TXLNB: variants seen among roughly 807,000 people sequenced by gnomAD.
TXLNB encodes taxilin beta.
TXLNB carries 37 observed loss-of-function variants against 57.4 expected under a neutral mutation model. The observed-to-expected ratio is 0.64, with a 90% confidence interval of 0.50 to 0.85. The LOEUF is 0.85. Among genes scored for constraint, TXLNB ranks in the 40% least tolerant of loss-of-function variants. The pLI, the probability that TXLNB is intolerant of heterozygous loss-of-function variation, is 0.00. For synonymous variants in TXLNB, 302 were observed against 309.6 expected (o/e 0.98, Z 0.26); for missense variants, 848 against 825.6 (o/e 1.03, Z -0.33).
chr6:139,184,046 G>A, the TXLNB span, among the ~76,000 whole-genome samples: 4 of 152,208 alleles, frequency 2.6e-5, no homozygotes, highest in Non-Finnish European at 5.9e-5. Context: ...GCTGCACATT[G>A]TTGTGGAGTC....
At chr6:139,173,068 A>G in the TXLNB span, among the ~76,000 whole-genome samples, 3 of 152,084 alleles carry the variant, frequency 2.0e-5, no homozygotes, top group Non-Finnish European at 2.9e-5. Flanking sequence ...TGCAAATGAA[A>G]TTTTTTCCAG....
the TXLNB span, chr6:139,180,805 T>C: frequency 2.6e-5 from 4 of 152,764 alleles, no homozygotes; most frequent in East Asian, 7.7e-4. Context: ...GAAACTAACA[T>C]TGTACTCTGT....
the TXLNB span, among the ~76,000 whole-genome samples, chr6:139,184,391 C>G: frequency 3.9e-5 from 6 of 152,240 alleles, no homozygotes; most frequent in African/African-American, 1.4e-4. Flanking sequence ...TGAGGCCTAG[C>G]TGGGCCCTCT....
the TXLNB span, among the ~76,000 whole-genome samples, chr6:139,184,331 A>AT: frequency 1.3e-5 from 2 of 152,244 alleles, no homozygotes; most frequent in Non-Finnish European, 2.9e-5. Flanking sequence ...TTTAAAAGCT[A>AT]TAGTAGCCCT....
intron 3 of TXLNB, among the ~76,000 whole-genome samples, chr6:139,272,611 A>G (rs992030544): frequency 1.3e-5 from 2 of 152,256 alleles, no homozygotes; most frequent in Non-Finnish European, 2.9e-5. Flanking sequence ...CTGTTATTAA[A>G]TATTTCTCAT....
At chr6:139,244,922 G>C (rs1027577910) in intron 8 of TXLNB, among the ~76,000 whole-genome samples, 1 of 152,202 alleles carries the variant, frequency 6.6e-6, no homozygotes, top group African/African-American at 2.4e-5. Flanking sequence ...AATGGGAAAT[G>C]ACTTAGGGGC....
intron 6 of TXLNB, among the ~76,000 whole-genome samples, chr6:139,257,873 G>A (rs1385560805): frequency 6.6e-6 from 1 of 152,036 alleles, no homozygotes; most frequent in Non-Finnish European, 1.5e-5. Context: ...TGTAAAATGG[G>A]TTGCATTTGT....
At chr6:139,205,376 C>T in the TXLNB span, among the ~76,000 whole-genome samples, 52 of 152,264 alleles carry the variant, frequency 3.4e-4, 1 homozygote, top group African/African-American at 1.2e-3. Context: ...ATCCACCCGC[C>T]TCAGCCTCCC....
intron 2 of TXLNB, among the ~76,000 whole-genome samples, chr6:139,281,318 T>C (rs1290171051): frequency 2.6e-5 from 4 of 152,220 alleles, no homozygotes; most frequent in South Asian, 2.1e-4. Flanking sequence ...ACAAAGGTTC[T>C]CTTACTCCTC....
At chr6:139,244,716 T>A (rs1776031517) in intron 8 of TXLNB, 26 bp from the exon 9 acceptor site, 1 of 1,538,300 alleles carries the variant, frequency 6.5e-7, no homozygotes, top group Non-Finnish European at 9.0e-7. Context: ...TGAGTGTGTG[T>A]TAATCTTGAA....
At chr6:139,274,907 T>C (rs920716875) in intron 3 of TXLNB, among the ~76,000 whole-genome samples, 3 of 152,156 alleles carry the variant, frequency 2.0e-5, no homozygotes, top group South Asian at 4.1e-4. Context: ...GAGAATCGCA[T>C]GGAAACGTGA....
rs374024681 is a variant in TXLNB at position 139,240,711 on chromosome 6, G to C, written c.*1815C>G. On this transcript the variant is annotated 3_prime_UTR_variant, in exon 10 of 10. Coordinates refer to ENST00000358430, the MANE Select transcript of TXLNB (RefSeq NM_153235.4). ...TATACAGATTCTCAAATAGCGACAA[G>C]CTTTTTTCCTGATTTTTTTTCCTGC... The C allele has an allele frequency of 1.3e-5, 2 of 152,730 alleles. No homozygotes were observed. The highest frequency in any genetic ancestry group is 4.1e-4 in the South Asian group (2 of 4,822). The allele number at this position is 152,730 out of a possible 1,614,324, so 9.5% of individuals were successfully genotyped here. A position where few individuals can be genotyped will look rare whatever the true frequency, so the allele number is the denominator to read the frequency against.
At chr6:139,179,426 G>A in the TXLNB span, 1 of 152,058 alleles carries the variant, frequency 6.6e-6, no homozygotes, top group Non-Finnish European at 1.5e-5. Flanking sequence ...GTTCCATGTT[G>A]CCTTTTTAGA....
the TXLNB span, among the ~76,000 whole-genome samples, chr6:139,184,365 CAT>C: frequency 6.6e-6 from 1 of 152,212 alleles, no homozygotes; most frequent in Admixed American, 6.5e-5. Flanking sequence ...CAGGCGCCAA[CAT>C]AGAAGTAATT....
At chr6:139,165,077 T>G in the TXLNB span, among the ~76,000 whole-genome samples, 2 of 152,198 alleles carry the variant, frequency 1.3e-5, no homozygotes, top group African/African-American at 2.4e-5. Flanking sequence ...AAACTCTTTA[T>G]AAGCATTTCT....
the TXLNB span, chr6:139,183,722 G>A: frequency 6.6e-6 from 1 of 152,200 alleles, no homozygotes; most frequent in Non-Finnish European, 1.5e-5. Flanking sequence ...ACTGAAGACT[G>A]TAGGCTGAGG....
chr6:139,196,364 G>GTTTTTTTTT, the TXLNB span, among the ~76,000 whole-genome samples: 4 of 86,770 alleles, frequency 4.6e-5, 2 homozygotes, highest in Non-Finnish European at 4.5e-5. Context: ...CTCCAGATCT[G>GTTTTTTTTT]GTTTTTTTTT....
chr6:139,169,230 TA>T, the TXLNB span, among the ~76,000 whole-genome samples: 2 of 152,052 alleles, frequency 1.3e-5, no homozygotes, highest in South Asian at 4.1e-4. Flanking sequence ...CCCCTTAGAT[TA>T]TTTTTTTTGT....
chr6:139,285,688 A>G (rs1280130996), intron 2 of TXLNB, among the ~76,000 whole-genome samples: 3 of 145,152 alleles, frequency 2.1e-5, no homozygotes, highest in East Asian at 2.0e-4. Context: ...CATCATAGCG[A>G]TATCTGTAGG....
Sources: gnomAD v4.1 joint callset for allele counts (sites outside exome capture counted in the v4.1 genomes callset) on GRCh38, gnomAD v4.1.1 for gene constraint, MANE v1.5 for transcripts, NCBI Gene and HGNC (gene_info 2026-07-23, HGNC 2026-07-21) for gene names.